WWOX: variants seen among roughly 807,000 people sequenced by gnomAD.
The protein encoded by WWOX is WW domain containing oxidoreductase, also known as WW domain-containing oxidoreductase.
Under a neutral mutation model 46.2 loss-of-function variants are expected in WWOX, and 69 were observed. The observed-to-expected ratio is 1.49, with a 90% CI of 1.23 to 1.82. The LOEUF is 1.82. Among genes scored for constraint, WWOX ranks in the 40% most tolerant of loss-of-function variants. WWOX has a pLI of 0.00. For synonymous variants in WWOX, 359 were observed against 202.6 expected (o/e 1.77, Z -6.56); for missense variants, 919 against 542.6 (o/e 1.69, Z -6.89).
intron 8 of WWOX, among the ~76,000 whole-genome samples, chr16:78,799,697 C>T (rs541128653): frequency 6.6e-6 from 1 of 152,254 alleles, no homozygotes; most frequent in South Asian, 2.1e-4. Context: ...ATGCTGCCTG[C>T]TCTCTAATAT....
intron 8 of WWOX, among the ~76,000 whole-genome samples, chr16:79,129,116 G>T (rs188689554): frequency 1.3e-5 from 2 of 151,976 alleles, no homozygotes; most frequent in Non-Finnish European, 2.9e-5. Context: ...TGCAAACAAC[G>T]GTAGTTATAA....
chr16:79,096,337 C>G (rs2049072655), intron 8 of WWOX, among the ~76,000 whole-genome samples: 1 of 152,146 alleles, frequency 6.6e-6, no homozygotes, highest in African/African-American at 2.4e-5. Context: ...GCCATGCTCT[C>G]GAGCTGGCCA....
chr16:78,747,170 T>G (rs191866977), intron 8 of WWOX, among the ~76,000 whole-genome samples: 1 of 150,352 alleles, frequency 6.7e-6, no homozygotes, highest in Non-Finnish European at 1.5e-5. Flanking sequence ...GGAAGAGTGG[T>G]GGGGGGCACT....
intron 8 of WWOX, among the ~76,000 whole-genome samples, chr16:79,119,141 A>C (rs1279035269): frequency 6.6e-6 from 1 of 152,180 alleles, no homozygotes; most frequent in Non-Finnish European, 1.5e-5. Flanking sequence ...TTAAATGATC[A>C]GAAGCAGCAC....
At chr16:78,312,337 C>T (rs1240303673) in intron 5 of WWOX, among the ~76,000 whole-genome samples, 1 of 149,966 alleles carries the variant, frequency 6.7e-6, no homozygotes, top group African/African-American at 2.4e-5. Context: ...TAAGGAAACA[C>T]TTATATTGCT....
chr16:78,736,005 C>G (rs145189491), intron 8 of WWOX, among the ~76,000 whole-genome samples: 131 of 152,342 alleles, frequency 8.6e-4, no homozygotes, highest in South Asian at 5.0e-3. Flanking sequence ...CCTCTGTTGA[C>G]TGTCTGAACC....
In WWOX at chr16:78,704,854, C is replaced by T. The variant is rs187742706; in HGVS notation, c.1056+272102C>T. 9.2e-5 allele frequency among the ~76,000 whole-genome samples: 14 copies of T among 151,654 alleles called. No individual in the cohort carries two copies. The East Asian group carries it at 2.3e-3, about 25-fold the overall frequency. On this transcript the variant is annotated intron_variant, in intron 8 of 8. Coordinates refer to ENST00000566780, the MANE Select transcript of WWOX (RefSeq NM_016373.4). ...TCAGAGCATTGACATTACGTGGCTT[C>T]TTTTGTGGGCCACCCCAACTCTTTT...
rs563324997 is a variant in WWOX at position 78,348,658 on chromosome 16, A to G, written c.517-38202A>G. ...TTTTCTGTAGAGACGGGCTTTCCCC[A>G]TGTTGCCCAGGCTGGTCTCTAACTC... On this transcript the variant is annotated intron_variant, in intron 5 of 8. Coordinates refer to ENST00000566780, the MANE Select transcript of WWOX (RefSeq NM_016373.4). Among the ~76,000 whole-genome samples, 286 of 118,864 alleles carry G rather than the reference A, an allele frequency of 2.4e-3. 68 individuals are homozygous for G. Among genetic ancestry groups the G allele is most frequent in the African/African-American group, 7.9e-3 (276 of 35,086 alleles). 78.0% of individuals were successfully genotyped at this position (118,864 alleles called of 152,430 possible). A position where few individuals can be genotyped will look rare whatever the true frequency, so the allele number is the denominator to read the frequency against.
intron 5 of WWOX, among the ~76,000 whole-genome samples, chr16:78,348,231 A>T (rs1233181859): frequency 8.2e-6 from 1 of 121,382 alleles, no homozygotes; most frequent in African/African-American, 2.8e-5. Context: ...AAGAGACTTC[A>T]TGTACTGTGA....
chr16:78,513,764 C>T (rs1347635904), intron 8 of WWOX, among the ~76,000 whole-genome samples: 2 of 152,120 alleles, frequency 1.3e-5, no homozygotes, highest in East Asian at 1.9e-4. Context: ...AGAAGGGGAG[C>T]GAATAGTATT....
intron 8 of WWOX, among the ~76,000 whole-genome samples, chr16:78,881,217 G>C (rs1463100370): frequency 1.3e-5 from 2 of 151,866 alleles, no homozygotes; most frequent in Non-Finnish European, 2.9e-5. Flanking sequence ...TGCCCAGGCT[G>C]GTCTCAAAAC....
intron 8 of WWOX, among the ~76,000 whole-genome samples, chr16:78,785,585 GTTTC>G (rs1362246208): frequency 6.6e-6 from 1 of 152,144 alleles, no homozygotes; most frequent in African/African-American, 2.4e-5. Context: ...ACACAGTACT[GTTTC>G]TTATAAATTC....
chr16:78,632,707 C>T (rs899177306), intron 8 of WWOX, among the ~76,000 whole-genome samples: 46 of 151,584 alleles, frequency 3.0e-4, no homozygotes, highest in African/African-American at 7.5e-4. Context: ...TACAGGTGTG[C>T]GCCACCACGC....
At chr16:79,041,425 G>A (rs577104459) in intron 8 of WWOX, among the ~76,000 whole-genome samples, 16 of 152,260 alleles carry the variant, frequency 1.1e-4, no homozygotes, top group African/African-American at 3.9e-4. Context: ...GTTCCTTGCC[G>A]GTGTCCTGTC....
intron 8 of WWOX, among the ~76,000 whole-genome samples, chr16:79,067,651 T>G (rs2048467704): frequency 6.6e-6 from 1 of 151,348 alleles, no homozygotes; most frequent in South Asian, 2.1e-4. Flanking sequence ...GGGGGGCACT[T>G]ATCACCACCT....
intron 8 of WWOX, among the ~76,000 whole-genome samples, chr16:78,861,726 A>G (rs1478814245): frequency 6.6e-6 from 1 of 152,210 alleles, no homozygotes; most frequent in Non-Finnish European, 1.5e-5. Context: ...AATTCCAGGT[A>G]AAAACCTTTA....
intron 8 of WWOX, among the ~76,000 whole-genome samples, chr16:78,530,247 G>A (rs1361304566): frequency 1.3e-5 from 2 of 152,118 alleles, no homozygotes; most frequent in African/African-American, 4.8e-5. Flanking sequence ...ATCCACGGAC[G>A]GCTTAAGTGT....
intron 8 of WWOX, among the ~76,000 whole-genome samples, chr16:78,654,337 C>A (rs1223836783): frequency 6.6e-6 from 1 of 152,232 alleles, no homozygotes; most frequent in Non-Finnish European, 1.5e-5. Context: ...TTACAATCAT[C>A]ATCGTCATCC....
At chr16:78,569,102 C>T (rs1043060840) in intron 8 of WWOX, among the ~76,000 whole-genome samples, 1 of 152,094 alleles carries the variant, frequency 6.6e-6, no homozygotes, top group Non-Finnish European at 1.5e-5. Context: ...CTCAGGTTTG[C>T]AAACCGTTTC....
Sources: gnomAD v4.1 joint callset for allele counts (sites outside exome capture counted in the v4.1 genomes callset) on GRCh38, gnomAD v4.1.1 for gene constraint, MANE v1.5 for transcripts, NCBI Gene and HGNC (gene_info 2026-07-23, HGNC 2026-07-21) for gene names.